The following SUGCT variants were observed in gnomAD, a reference collection of about 807,000 sequenced individuals.
The protein encoded by SUGCT is succinyl-CoA:glutarate CoA-transferase.
In SUGCT, 41 loss-of-function variants were observed where a neutral mutation model predicts 55.0. The ratio of observed to expected loss-of-function variants is 0.74; its 90% CI spans 0.58 to 0.97. The LOEUF (loss-of-function observed/expected upper bound fraction) is 0.97, where lower values mean the gene tolerates loss of function less well. SUGCT is among the 50% of genes least tolerant of loss of function. The probability of loss-of-function intolerance (pLI) is 0.00; values close to 1 mark genes in which losing one functional copy is unlikely to be tolerated. For missense variants in SUGCT, 568 were observed against 547.8 expected, an observed-to-expected ratio of 1.04 and a Z score of -0.37; for synonymous variants, 187 against 200.4, an observed-to-expected ratio of 0.93 and a Z score of 0.56.
chr7:40,898,037 A>G, the SUGCT span, among the ~76,000 whole-genome samples: 1 of 152,150 alleles, frequency 6.6e-6, no homozygotes, highest in African/African-American at 2.4e-5. Context: ...TTCGCTTTTC[A>G]GATAAATCTT....
intron 9 of SUGCT, among the ~76,000 whole-genome samples, chr7:40,324,232 T>TAAATAA (rs1562680980): frequency 8.2e-6 from 1 of 122,208 alleles, no homozygotes; most frequent in East Asian, 2.4e-4. Flanking sequence ...TGATCATATA[T>TAAATAA]ATAAATAAAT....
the SUGCT span, among the ~76,000 whole-genome samples, chr7:41,012,419 C>A: frequency 6.6e-6 from 1 of 152,196 alleles, no homozygotes; most frequent in Non-Finnish European, 1.5e-5. Context: ...TCAAGCTACT[C>A]AGTCTCTAGG....
chr7:40,898,369 A>AAG, the SUGCT span, among the ~76,000 whole-genome samples: 1 of 152,028 alleles, frequency 6.6e-6, no homozygotes, highest in Non-Finnish European at 1.5e-5. Context: ...TGAAGTCAGC[A>AAG]AGAGCACGAA....
intron 12 of SUGCT, among the ~76,000 whole-genome samples, chr7:40,592,656 G>A (rs1448092754): frequency 2.6e-5 from 4 of 152,120 alleles, no homozygotes; most frequent in Non-Finnish European, 4.4e-5. Context: ...TTTAGATTCC[G>A]TATTTGGGTT....
chr7:40,501,861 C>G (rs1462611019), intron 12 of SUGCT, among the ~76,000 whole-genome samples: 1 of 152,000 alleles, frequency 6.6e-6, no homozygotes, highest in Non-Finnish European at 1.5e-5. Context: ...AAATAACAGG[C>G]ATAAAACTTG....
At chr7:40,982,202 C>T in the SUGCT span, among the ~76,000 whole-genome samples, 1 of 152,140 alleles carries the variant, frequency 6.6e-6, no homozygotes, top group South Asian at 2.1e-4. Flanking sequence ...TTATTATTGC[C>T]AGTAGGTTGT....
chr7:40,349,426 T>C (rs1354109541), intron 9 of SUGCT, among the ~76,000 whole-genome samples: 1 of 149,754 alleles, frequency 6.7e-6, no homozygotes, highest in African/African-American at 2.5e-5. Flanking sequence ...TCAGCTCAAC[T>C]TCAGTGACTA....
intron 9 of SUGCT, among the ~76,000 whole-genome samples, chr7:40,383,925 C>G (rs1583566099): frequency 6.6e-6 from 1 of 152,042 alleles, no homozygotes; most frequent in Non-Finnish European, 1.5e-5. Flanking sequence ...CAGATCTCCC[C>G]CCGCTGCCCC....
chr7:40,970,751 G>A, the SUGCT span, among the ~76,000 whole-genome samples: 3,406 of 152,270 alleles, frequency 0.022, 61 homozygotes, highest in Non-Finnish European at 0.036. Context: ...CTTGACATGA[G>A]CATTTGCCTG....
At chr7:40,645,828 C>A (rs1250959841) in intron 12 of SUGCT, among the ~76,000 whole-genome samples, 1 of 152,132 alleles carries the variant, frequency 6.6e-6, no homozygotes, top group Non-Finnish European at 1.5e-5. Context: ...GGTTCAGGCT[C>A]AGGCTCTATT....
At chr7:40,615,765 A>C (rs565843958) in intron 12 of SUGCT, among the ~76,000 whole-genome samples, 1 of 152,314 alleles carries the variant, frequency 6.6e-6, no homozygotes, top group Non-Finnish European at 1.5e-5. Flanking sequence ...TCTATGTGTA[A>C]TCATAAGCCC....
At chr7:40,474,322 G>A (rs1337308140) in intron 11 of SUGCT, among the ~76,000 whole-genome samples, 1 of 152,052 alleles carries the variant, frequency 6.6e-6, no homozygotes, top group Non-Finnish European at 1.5e-5. Flanking sequence ...GGGCAGAGGG[G>A]CAGGGAAGTG....
chr7:40,580,946 A>G (rs1276194524), intron 12 of SUGCT, among the ~76,000 whole-genome samples: 2 of 152,194 alleles, frequency 1.3e-5, no homozygotes, highest in Admixed American at 1.3e-4. Flanking sequence ...TGTTTGCAAA[A>G]TGATGAAATG....
chr7:40,395,231 G>A (rs543005102), intron 9 of SUGCT, among the ~76,000 whole-genome samples: 18 of 152,216 alleles, frequency 1.2e-4, no homozygotes, highest in African/African-American at 4.3e-4. Context: ...GCTCACGCCT[G>A]CAATCCCAGC....
At chr7:40,284,593 G>A (rs1396420683) in intron 8 of SUGCT, among the ~76,000 whole-genome samples, 1 of 130,106 alleles carries the variant, frequency 7.7e-6, no homozygotes, top group Non-Finnish European at 1.5e-5. Context: ...GGATGACAGA[G>A]CAAGATTCCA....
intron 13 of SUGCT, among the ~76,000 whole-genome samples, chr7:40,769,695 G>A (rs986760867): frequency 6.6e-6 from 1 of 152,178 alleles, no homozygotes; most frequent in Non-Finnish European, 1.5e-5. Flanking sequence ...CTAATGAAAC[G>A]CATTTCAAAC....
the SUGCT span, among the ~76,000 whole-genome samples, chr7:40,938,126 C>T: frequency 6.6e-6 from 1 of 152,178 alleles, no homozygotes; most frequent in Non-Finnish European, 1.5e-5. Flanking sequence ...CGGACTGCTA[C>T]CAGCCTGCAG....
intron 12 of SUGCT, among the ~76,000 whole-genome samples, chr7:40,604,213 C>T (rs1331173634): frequency 6.6e-6 from 1 of 152,162 alleles, no homozygotes; most frequent in Non-Finnish European, 1.5e-5. Context: ...CTTGCTATCT[C>T]CTCCCTCTTA....
At chr7:40,625,501 C>T (rs954547924) in intron 12 of SUGCT, among the ~76,000 whole-genome samples, 1 of 152,084 alleles carries the variant, frequency 6.6e-6, no homozygotes, top group African/African-American at 2.4e-5. Context: ...TCCTTCTCCT[C>T]CTCTTTCTTT....
Sources: gnomAD v4.1 joint callset for allele counts (sites outside exome capture counted in the v4.1 genomes callset) on GRCh38, gnomAD v4.1.1 for gene constraint, MANE v1.5 for transcripts, NCBI Gene and HGNC (gene_info 2026-07-23, HGNC 2026-07-21) for gene names.